The following DHX34 variants were observed in gnomAD, a reference collection of about 807,000 sequenced individuals.
The protein encoded by DHX34 is DExH-box helicase 34.
Under a neutral mutation model 111.1 loss-of-function variants are expected in DHX34, and 96 were observed. The ratio of observed to expected loss-of-function variants is 0.86; its 90% CI spans 0.73 to 1.02. The LOEUF (loss-of-function observed/expected upper bound fraction) is 1.02. Ranked by LOEUF, DHX34 falls within the 50% of genes least tolerant of loss-of-function variation. DHX34 has a pLI of 0.00. For missense variants in DHX34, 1,560 were observed against 1,579.9 expected, an observed-to-expected ratio of 0.99 and a Z score of 0.21; for synonymous variants, 688 against 670.4, an observed-to-expected ratio of 1.03 and a Z score of -0.41.
intron 6 of DHX34, among the ~76,000 whole-genome samples, chr19:47,364,333 G>A (rs1039132069): frequency 1.3e-5 from 2 of 152,188 alleles, no homozygotes; most frequent in African/African-American, 4.8e-5. Flanking sequence ...GTTGGGAGCA[G>A]CTGATGGTGT....
intron 14 of DHX34, 197 bp from the exon 15 acceptor site, chr19:47,380,619 G>C (rs1261149484): frequency 1.0e-6 from 1 of 984,982 alleles, no homozygotes; most frequent in Admixed American, 6.2e-5. Flanking sequence ...GGGCAATTTA[G>C]ATGGGGGTGG....
chr19:47,350,522 A>T (rs1032408431), intron 1 of DHX34, among the ~76,000 whole-genome samples: 1 of 151,862 alleles, frequency 6.6e-6, no homozygotes, highest in Non-Finnish European at 1.5e-5. Flanking sequence ...CCTGGGTTCA[A>T]GCGAGTCTCC....
intron 7 of DHX34, among the ~76,000 whole-genome samples, chr19:47,372,303 CACTT>C (rs1342399553): frequency 6.6e-6 from 1 of 152,004 alleles, no homozygotes; most frequent in East Asian, 1.9e-4. Flanking sequence ...TAGAGGGACT[CACTT>C]ACAGGTGACA....
At chr19:47,350,075 G>C (rs1969239087) in intron 1 of DHX34, among the ~76,000 whole-genome samples, 1 of 152,092 alleles carries the variant, frequency 6.6e-6, no homozygotes. Context: ...GTGTGGGATA[G>C]GAATAGATCA....
At position 47,357,261 on chromosome 19, in the gene DHX34, T is replaced by C. The variant is rs1969484935; in HGVS notation, c.1018-605T>C. On this transcript the variant is annotated intron_variant, in intron 3 of 16. Transcript: ENST00000328771. ...TGAAGCTACTCTAAACATAAGATAA[T>C]GCATGCATTGTAAGTATATAGCTTA... is the stretch of plus-strand genomic sequence containing the variant. Among the ~76,000 whole-genome samples, 4 of 152,344 alleles carry C rather than the reference T, an allele frequency of 2.6e-5. No individual in the cohort carries two copies. The South Asian group carries it at 8.3e-4, about 32-fold the overall frequency.
intron 7 of DHX34, among the ~76,000 whole-genome samples, chr19:47,367,600 G>A (rs557378526): frequency 1.3e-4 from 20 of 152,186 alleles, no homozygotes; most frequent in Non-Finnish European, 2.6e-4. Flanking sequence ...AGCAGAAGTC[G>A]AGAAACATGG....
At chr19:47,376,725 T>G in intron 12 of DHX34, 165 bp downstream of exon 12, 1 of 1,424,834 alleles carries the variant, frequency 7.0e-7, no homozygotes, top group Non-Finnish European at 9.3e-7. Flanking sequence ...TGGGTAGCCT[T>G]GGGTGACTCA....
At chr19:47,376,893 A>G in intron 12 of DHX34, 4 of 1,534,350 alleles carry the variant, frequency 2.6e-6, no homozygotes, top group Non-Finnish European at 2.6e-6. Context: ...ACCCGTGTGC[A>G]TGGAAGGGTG....
In DHX34 at chr19:47,375,674, C is replaced by T. The variant is rs755292525; in HGVS notation, c.2273C>T (p.Ala758Val). 1.9e-6 allele frequency: 3 copies of T among 1,555,794 alleles called. No individual in the cohort carries two copies. Reference protein sequence around the residue: ...GSSDEDRAGPAPPGASDGVDI... With the variant: ...GSSDEDRAGPVPPGASDGVDI... ...AGTGACGAGGACAGGGCTGGCCCAG[C>T]CCCCCCAGGGGCCAGTGATGGCGTG... The change falls in exon 10 of 17, where the codon GCC (alanine) becomes GTC (valine). Residue 758 changes from alanine to valine, a missense_variant. Ala to Val is a moderately conservative substitution (Grantham distance 64). Transcript: ENST00000328771.
chr19:47,362,261 C>G (rs1969650728), intron 5 of DHX34: 1 of 686,174 alleles, frequency 1.5e-6, no homozygotes, highest in African/African-American at 2.9e-5. Flanking sequence ...CAGTGAGACC[C>G]TGTCTCAAAA....
chr19:47,364,384 C>T (rs1271467929), intron 6 of DHX34, among the ~76,000 whole-genome samples: 1 of 152,014 alleles, frequency 6.6e-6, no homozygotes, highest in Non-Finnish European at 1.5e-5. Flanking sequence ...AAACCAGTGG[C>T]CTTCCTGCAG....
intron 7 of DHX34, among the ~76,000 whole-genome samples, chr19:47,368,172 C>T (rs1235912122): frequency 1.3e-5 from 2 of 150,394 alleles, no homozygotes; most frequent in Non-Finnish European, 2.9e-5. Flanking sequence ...ACAGCCAGTA[C>T]AGAGGCCCTG....
Position 47,353,280 on chromosome 19 carries a change from G to A in DHX34, c.250G>A (p.Gly84Arg). 1.2e-6 allele frequency: 2 copies of A among 1,614,152 alleles called. No individual in the cohort carries two copies. Among genetic ancestry groups the A allele is most frequent in the South Asian group, 1.1e-5 (1 of 91,074 alleles). The change falls in exon 2 of 17, where the codon GGA (glycine) becomes AGA (arginine). Residue 84 changes from glycine (G) to arginine (R), a missense_variant. By Grantham distance (125) the Gly-to-Arg change is moderately radical. Transcript: ENST00000328771. The surrounding 1 kb of genome is among the most constrained non-coding windows in gnomAD (Gnocchi z 4.6). ...CTCCAGGAAGGAGGAGAAAGACCCT[G>A]GACAGCCCAAGCACAGCATCCCAGC... is the stretch of plus-strand genomic sequence containing the variant. ...KTSRKEEKDPGQPKHSIPALA... is the reference protein window; with the variant it reads ...KTSRKEEKDPRQPKHSIPALA...
At chr19:47,364,810 A>G (rs1969740922) in intron 6 of DHX34, among the ~76,000 whole-genome samples, 1 of 152,108 alleles carries the variant, frequency 6.6e-6, no homozygotes, top group Non-Finnish European at 1.5e-5. Context: ...GCAGAGAGAG[A>G]GAAAATATTG....
At chr19:47,372,207 CCACCTT>C (rs908521973) in intron 7 of DHX34, among the ~76,000 whole-genome samples, 75 of 152,098 alleles carry the variant, frequency 4.9e-4, no homozygotes, top group Admixed American at 4.3e-3. Context: ...TCTTCCACTT[CCACCTT>C]GACCTAAACA....
intron 8 of DHX34, 127 bp downstream of exon 8, chr19:47,373,050 C>T (rs1292095281): frequency 8.2e-7 from 1 of 1,226,798 alleles, no homozygotes; most frequent in Non-Finnish European, 1.1e-6. Flanking sequence ...CCCCCACAGA[C>T]TGGGCCTGCC....
At chr19:47,374,826 CCACATGCACACATACAGACA>C (rs1015515432) in intron 9 of DHX34, among the ~76,000 whole-genome samples, 2 of 152,180 alleles carry the variant, frequency 1.3e-5, no homozygotes, top group African/African-American at 4.8e-5. Context: ...CCCTTTGCAC[CCACATGCACACATACAGACA>C]CACATGCACG....
In DHX34 at chr19:47,366,958, G is replaced by A. The variant is rs377605084; in HGVS notation, c.1594-23G>A. 1.6e-5 allele frequency: 25 copies of A among 1,533,406 alleles called. No homozygotes were observed. The African/African-American group carries it at 3.4e-4, about 21-fold the overall frequency. The allele number at this position is 1,533,406 out of a possible 1,614,324, so 95.0% of individuals were successfully genotyped here. On this transcript the variant is annotated intron_variant, in intron 6 of 16. Transcript: ENST00000328771. The stretch of plus-strand genomic sequence containing the variant: ...AGTGGCTCTTGTGTTCCCCAATCTT[G>A]GGGGTTTTGCTTCTCATTCTAGATG...
At chr19:47,355,578 G>A (rs566346576) in intron 3 of DHX34, among the ~76,000 whole-genome samples, 13 of 152,180 alleles carry the variant, frequency 8.5e-5, no homozygotes, top group African/African-American at 1.7e-4. Flanking sequence ...GCTGGGCGCC[G>A]TGGCTCATGC....
Sources: gnomAD v4.1 joint callset for allele counts (sites outside exome capture counted in the v4.1 genomes callset) on GRCh38, gnomAD v4.1.1 for gene constraint, Gnocchi (gnomAD v3.1) non-coding constraint, MANE v1.5 for transcripts, NCBI Gene and HGNC (gene_info 2026-07-23, HGNC 2026-07-21) for gene names.